The following ACTR5 variants were observed in gnomAD, a reference collection of about 807,000 sequenced individuals.
The protein encoded by ACTR5 is actin related protein 5.
A neutral mutation model predicts 61.2 loss-of-function variants in ACTR5; 43 were observed. The ratio of observed to expected loss-of-function variants is 0.70; its 90% CI spans 0.55 to 0.91. ACTR5 has a LOEUF of 0.91. ACTR5 is among the 40% of genes least tolerant of loss of function. The pLI, the probability that ACTR5 is intolerant of heterozygous loss-of-function variation, is 0.00. For missense variants in ACTR5, 798 were observed against 782.2 expected, an observed-to-expected ratio of 1.02 and a Z score of -0.24; for synonymous variants, 333 against 310.5, an observed-to-expected ratio of 1.07 and a Z score of -0.76.
intron 8 of ACTR5, among the ~76,000 whole-genome samples, chr20:38,770,402 C>T (rs1366003104): frequency 1.3e-5 from 2 of 152,196 alleles, no homozygotes; most frequent in African/African-American, 2.4e-5. Context: ...TCAGCCTCTG[C>T]GAGCAATGTT....
At chr20:38,749,753 C>T (rs76486756) in intron 1 of ACTR5, among the ~76,000 whole-genome samples, 1 of 152,146 alleles carries the variant, frequency 6.6e-6, no homozygotes, top group Non-Finnish European at 1.5e-5. Flanking sequence ...CAGTTGGATT[C>T]TGGAAATACT....
chr20:38,766,944 C>G (rs1334713068), intron 7 of ACTR5, among the ~76,000 whole-genome samples: 2 of 152,178 alleles, frequency 1.3e-5, no homozygotes, highest in African/African-American at 2.4e-5. Flanking sequence ...AAAGCTGTTG[C>G]TGCTACTTTG....
At chr20:38,764,444 A>G (rs78546562) in intron 5 of ACTR5, among the ~76,000 whole-genome samples, 17 of 152,232 alleles carry the variant, frequency 1.1e-4, no homozygotes, top group Admixed American at 9.2e-4. Flanking sequence ...ACCATCCCCA[A>G]CTTATTTTGT....
At chr20:38,768,521 G>A (rs1043288473) in intron 8 of ACTR5, among the ~76,000 whole-genome samples, 2 of 152,206 alleles carry the variant, frequency 1.3e-5, no homozygotes, top group African/African-American at 2.4e-5. Context: ...CCCCAGCAGT[G>A]CCTTGTAAAA....
At chr20:38,753,863 G>A (rs2084401127) in intron 3 of ACTR5, among the ~76,000 whole-genome samples, 1 of 121,018 alleles carries the variant, frequency 8.3e-6, no homozygotes, top group Non-Finnish European at 1.8e-5. Flanking sequence ...CTCCTTTTAG[G>A]TTATTCGAGC....
chr20:38,763,526 T>G (rs1022562018), intron 5 of ACTR5, among the ~76,000 whole-genome samples: 4 of 152,372 alleles, frequency 2.6e-5, no homozygotes, highest in Admixed American at 6.5e-5. Context: ...CTAGATTGTT[T>G]TCATGTTCCT....
chr20:38,756,174 CTGACCT>C (rs1286766388), intron 5 of ACTR5, 135 bp downstream of exon 5: 17 of 1,036,756 alleles, frequency 1.6e-5, no homozygotes, highest in Non-Finnish European at 2.3e-5. Context: ...GGAGATGGCA[CTGACCT>C]TGTACCAACT....
intron 5 of ACTR5, among the ~76,000 whole-genome samples, chr20:38,761,075 C>A: frequency 6.6e-6 from 1 of 152,002 alleles, no homozygotes; most frequent in South Asian, 2.1e-4. Context: ...ACCACCATGC[C>A]CGGCTAACTT....
chr20:38,770,826 G>A (rs1247607689), intron 8 of ACTR5, among the ~76,000 whole-genome samples: 1 of 152,202 alleles, frequency 6.6e-6, no homozygotes, highest in African/African-American at 2.4e-5. Flanking sequence ...TGTGCATGTT[G>A]ATTCCACTGT....
chr20:38,769,338 T>C (rs929938293), intron 8 of ACTR5, among the ~76,000 whole-genome samples: 1 of 152,124 alleles, frequency 6.6e-6, no homozygotes, highest in Non-Finnish European at 1.5e-5. Flanking sequence ...CCCAAGCCCT[T>C]GGCACAGTAT....
At chr20:38,765,273 A>T (rs983582998) in intron 5 of ACTR5, 129 bp from the exon 6 acceptor site, 12 of 687,546 alleles carry the variant, frequency 1.7e-5, no homozygotes, top group Middle Eastern at 4.1e-4. Flanking sequence ...GCTTAGAAAA[A>T]TTTTCATAGT....
Position 38,765,444 on chromosome 20 carries a change from G to T in ACTR5, c.1219G>T (p.Glu407Ter), listed in dbSNP as rs753222436. ...EQLEPSLEDVESMNDFDPLFS... is the reference protein window; with the variant it reads ...EQLEPSLEDV ...GCTGGAGCCGTCTTTGGAAGATGTG[G>T]AAAGCATGAATGATTTTGATCCCTT... The change falls in exon 6 of 9, where the codon GAA (glutamate) becomes TAA (stop). Residue 407 changes from glutamate to a stop codon, truncating the protein, a stop_gained. Coordinates refer to ENST00000243903, the MANE Select transcript of ACTR5 (RefSeq NM_024855.4). LOFTEE classifies it high-confidence loss of function. 1 of 1,614,164 alleles carries T rather than the reference G, an allele frequency of 6.2e-7. No individual in the cohort carries two copies. The highest frequency in any genetic ancestry group is 8.5e-7 in the Non-Finnish European group (1 of 1,180,016).
intron 5 of ACTR5, among the ~76,000 whole-genome samples, chr20:38,764,559 G>T (rs1015942434): frequency 6.6e-6 from 1 of 152,180 alleles, no homozygotes; most frequent in African/African-American, 2.4e-5. Flanking sequence ...TTGTTCTGCA[G>T]GACTCCACAG....
At chr20:38,766,812 C>T (rs924826989) in intron 7 of ACTR5, among the ~76,000 whole-genome samples, 12 of 152,100 alleles carry the variant, frequency 7.9e-5, no homozygotes, top group Admixed American at 6.5e-4. Flanking sequence ...CCCATTTATG[C>T]GGGCATTTTC....
chr20:38,763,454 G>C (rs987389369), intron 5 of ACTR5, among the ~76,000 whole-genome samples: 1 of 152,182 alleles, frequency 6.6e-6, no homozygotes, highest in Non-Finnish European at 1.5e-5. Flanking sequence ...TGCCTCAGCT[G>C]GTCTTGCTGC....
Position 38,752,147 on chromosome 20 carries a change from TGCAAGC to T in ACTR5, c.626_631del (p.Lys209_Arg210del), listed in dbSNP as rs1330167936. The T allele has an allele frequency of 6.2e-7, 1 of 1,613,618 alleles. No homozygotes were observed. The highest frequency in any genetic ancestry group is 1.1e-5 in the South Asian group (1 of 91,072). On this transcript the variant is annotated inframe_deletion, in exon 3 of 9. Transcript: ENST00000243903. ...TGGTTATAGATTAGATGCTAAAAAC[TGCAAGC>T]GCATCAATCTTGGAGGAAGCCAAGC...
intron 4 of ACTR5, 114 bp downstream of exon 4, chr20:38,755,288 G>T: frequency 8.8e-7 from 1 of 1,141,006 alleles, no homozygotes; most frequent in Non-Finnish European, 1.2e-6. Context: ...GTCACCTTTG[G>T]GGTCACGAAG....
chr20:38,751,526 G>C (rs2084387054), intron 2 of ACTR5, among the ~76,000 whole-genome samples: 2 of 152,202 alleles, frequency 1.3e-5, no homozygotes, highest in Admixed American at 1.3e-4. Flanking sequence ...CGTGTTCTAT[G>C]CTGGCATCTG....
chr20:38,756,909 A>T (rs568863243), intron 5 of ACTR5, among the ~76,000 whole-genome samples: 30 of 152,306 alleles, frequency 2.0e-4, no homozygotes, highest in African/African-American at 4.6e-4. Flanking sequence ...CATCTCAAAA[A>T]AAATAAATAA....
Sources: allele counts gnomAD v4.1 joint callset (sites outside exome capture counted in the v4.1 genomes callset), GRCh38; gene constraint gnomAD v4.1.1; transcripts MANE v1.5; gene names NCBI Gene and HGNC (gene_info 2026-07-23, HGNC 2026-07-21).